Variants in DMRT1 observed in about 807,000 individuals in gnomAD.
DMRT1 encodes doublesex and mab-3 related transcription factor 1, also known as doublesex- and mab-3-related transcription factor 1.
DMRT1 carries 7 observed loss-of-function variants against 32.3 expected under a neutral mutation model. The ratio of observed to expected loss-of-function variants is 0.22; its 90% confidence interval spans 0.12 to 0.41. DMRT1 has a LOEUF of 0.41. Among genes scored for constraint, DMRT1 ranks in the 10% least tolerant of loss-of-function variants. The probability of loss-of-function intolerance (pLI) is 1.00; values close to 1 mark genes in which losing one functional copy is unlikely to be tolerated. For missense variants in DMRT1, 625 were observed against 500.5 expected (o/e 1.25, Z -2.37); for synonymous variants, 278 against 206.1 (o/e 1.35, Z -2.99).
chr9:886,516 A>G (rs1384163536), intron 2 of DMRT1, among the ~76,000 whole-genome samples: 1 of 151,820 alleles, frequency 6.6e-6, no homozygotes, highest in Non-Finnish European at 1.5e-5. Context: ...GCAGCCTCCC[A>G]AAGTGTTGGG....
chr9:843,101 A>G (rs537352465), intron 1 of DMRT1: 1 of 152,060 alleles, frequency 6.6e-6, no homozygotes, highest in Non-Finnish European at 1.5e-5. Context: ...TCGGGGTTCG[A>G]TTTCCTCGAG....
At chr9:941,430 C>T (rs1436859549) in intron 4 of DMRT1, among the ~76,000 whole-genome samples, 4 of 145,994 alleles carry the variant, frequency 2.7e-5, no homozygotes, top group East Asian at 4.2e-4. Context: ...AGTTACATGT[C>T]GTTCACAAGA....
intron 4 of DMRT1, among the ~76,000 whole-genome samples, chr9:923,830 T>C (rs988337431): frequency 6.6e-6 from 1 of 152,248 alleles, no homozygotes; most frequent in Non-Finnish European, 1.5e-5. Flanking sequence ...GAGTTTAATT[T>C]AAACTTGACA....
intron 2 of DMRT1, among the ~76,000 whole-genome samples, chr9:877,695 A>G (rs1328394876): frequency 6.6e-6 from 1 of 152,264 alleles, no homozygotes; most frequent in Non-Finnish European, 1.5e-5. Context: ...CTTTCCCAGT[A>G]GCAGTCTTTA....
At chr9:905,488 C>CTTTGTGTG in intron 3 of DMRT1, among the ~76,000 whole-genome samples, 1 of 147,724 alleles carries the variant, frequency 6.8e-6, no homozygotes, top group Non-Finnish European at 1.5e-5. Context: ...GTGTGTGTGT[C>CTTTGTGTG]TGTGTGTGTG....
intron 1 of DMRT1, among the ~76,000 whole-genome samples, chr9:845,235 A>G (rs996270968): frequency 4.6e-5 from 7 of 151,852 alleles, no homozygotes; most frequent in African/African-American, 1.7e-4. Flanking sequence ...TTTGAGACGG[A>G]GTCTTGCTCC....
chr9:853,063 TAGTTGTTTAAATTAA>T, intron 2 of DMRT1, among the ~76,000 whole-genome samples: 1 of 152,156 alleles, frequency 6.6e-6, no homozygotes, highest in Non-Finnish European at 1.5e-5. Flanking sequence ...CAACGGAAGA[TAGTTGTTTAAATTAA>T]AAAAAACAAT....
At chr9:873,633 A>T (rs143641120) in intron 2 of DMRT1, among the ~76,000 whole-genome samples, 1 of 152,146 alleles carries the variant, frequency 6.6e-6, no homozygotes, top group Non-Finnish European at 1.5e-5. Context: ...TAGACATTTA[A>T]TGTTCTTAGG....
intron 2 of DMRT1, among the ~76,000 whole-genome samples, chr9:883,574 T>C (rs924591705): frequency 2.7e-5 from 4 of 149,416 alleles, no homozygotes; most frequent in Admixed American, 1.4e-4. Flanking sequence ...GGAGGATCAC[T>C]GGAGACCAGA....
intron 4 of DMRT1, among the ~76,000 whole-genome samples, chr9:951,088 G>T (rs1056912731): frequency 9.2e-5 from 14 of 151,996 alleles, no homozygotes; most frequent in Admixed American, 1.3e-4. Flanking sequence ...TTTGCTAATG[G>T]AAATAATTAA....
intron 2 of DMRT1, among the ~76,000 whole-genome samples, chr9:862,126 A>C: frequency 7.7e-6 from 1 of 129,236 alleles, no homozygotes; most frequent in East Asian, 2.5e-4. Flanking sequence ...CTGCAATCTC[A>C]GCACTTTGGG....
chr9:889,811 T>A (rs1817069842), intron 2 of DMRT1, among the ~76,000 whole-genome samples: 1 of 152,214 alleles, frequency 6.6e-6, no homozygotes, highest in African/African-American at 2.4e-5. Flanking sequence ...AAGGCAGGCC[T>A]TAAGTGGGAG....
rs185059768 is a variant in DMRT1, at chr9:896,283, T to G, written c.822+2088T>G. ...ACTGAGATTTTTTTTTTCTTGTCTTTTCTTTTTTTTTTTTTTTTTTCCTGA... is the reference window on the plus strand; with the variant it reads ...ACTGAGATTTTTTTTTTCTTGTCTTGTCTTTTTTTTTTTTTTTTTTCCTGA... On this transcript the variant is annotated intron_variant, in intron 3 of 4. Coordinates refer to ENST00000382276, the MANE Select transcript of DMRT1 (RefSeq NM_021951.3). Among the ~76,000 whole-genome samples the G allele has an allele frequency of 4.6e-4, 70 of 150,972 alleles. No homozygotes were observed. The South Asian group carries it at 9.8e-3, about 21-fold the overall frequency.
Position 957,952 on chromosome 9 carries a change from C to T in DMRT1, c.968-10033C>T, listed in dbSNP as rs533154927. 3.9e-5 allele frequency among the ~76,000 whole-genome samples: 6 copies of T among 152,114 alleles called. No individual in the cohort carries two copies. The South Asian group carries it at 1.2e-3, about 32-fold the overall frequency. On this transcript the variant is annotated intron_variant, in intron 4 of 4. Transcript: ENST00000382276. The stretch of plus-strand genomic sequence containing the variant: ...CTGAACCCGCAGGCGGAGGTTGCCC[C>T]GATTGGAGATTGTGCCACTGCATTC...
At chr9:848,066 T>A (rs7025494) in intron 2 of DMRT1, among the ~76,000 whole-genome samples, 62,549 of 152,046 alleles carry the variant, frequency 0.41, 14,205 homozygotes, top group Non-Finnish European at 0.52. Context: ...TAGATACACA[T>A]ACTGTAATTC....
At chr9:852,963 A>T (rs569304562) in intron 2 of DMRT1, among the ~76,000 whole-genome samples, 2 of 152,242 alleles carry the variant, frequency 1.3e-5, no homozygotes, top group Non-Finnish European at 2.9e-5. Flanking sequence ...TAAGTGCTTA[A>T]AAGTTCATAA....
chr9:967,343 T>C (rs1819961696), intron 4 of DMRT1, among the ~76,000 whole-genome samples: 1 of 152,232 alleles, frequency 6.6e-6, no homozygotes, highest in African/African-American at 2.4e-5. Flanking sequence ...TAGGTTTGCT[T>C]TCACAATTTA....
intron 3 of DMRT1, among the ~76,000 whole-genome samples, chr9:895,890 T>C (rs940083953): frequency 3.3e-5 from 5 of 149,822 alleles, no homozygotes; most frequent in South Asian, 2.2e-4. Context: ...CTGCAACCTC[T>C]GCCTCCCGGG....
intron 2 of DMRT1, among the ~76,000 whole-genome samples, chr9:860,580 T>A (rs572992834): frequency 5.9e-5 from 9 of 152,322 alleles, no homozygotes; most frequent in South Asian, 2.1e-4. Flanking sequence ...ATCTCTCACA[T>A]GGACCTTATA....
Sources: allele counts gnomAD v4.1 joint callset (sites outside exome capture counted in the v4.1 genomes callset), GRCh38; gene constraint gnomAD v4.1.1; transcripts MANE v1.5; gene names NCBI Gene and HGNC (gene_info 2026-07-23, HGNC 2026-07-21).